The following ATP8A2 variants were observed in gnomAD, a reference collection of about 807,000 sequenced individuals.
ATP8A2 encodes ATPase phospholipid transporting 8A2, also known as phospholipid-transporting ATPase IB.
Under a neutral mutation model 165.6 loss-of-function variants are expected in ATP8A2, and 100 were observed. The ratio of observed to expected loss-of-function variants is 0.60; its 90% CI spans 0.51 to 0.71. The LOEUF (loss-of-function observed/expected upper bound fraction) is 0.71. Among genes scored for constraint, ATP8A2 ranks in the 30% least tolerant of loss-of-function variants. The pLI is 0.00. For synonymous variants in ATP8A2, 543 were observed against 548.8 expected (o/e 0.99, Z 0.15); for missense variants, 1,227 against 1,479.5 (o/e 0.83, Z 2.80).
Position 25,570,819 on chromosome 13 carries a change from C to G in ATP8A2, c.1526C>G (p.Thr509Arg), listed in dbSNP as rs1370438841. ...EFLTLLAVCHTVVPEKDGDNI... is the reference protein window; with the variant it reads ...EFLTLLAVCHRVVPEKDGDNI... ...CTCACCCTTCTGGCCGTGTGCCACA[C>G]GGTTGTTCCTGAGAAGGATGGAGAT... Residue 509 changes from threonine (T) to arginine (R), a missense_variant, in exon 17 of 37, where the codon ACG becomes AGG. Transcript: ENST00000381655. The G allele has an allele frequency of 9.3e-6, 15 of 1,613,768 alleles. No individual in the cohort carries two copies. Among genetic ancestry groups the G allele is most frequent in the Non-Finnish European group, 1.3e-5 (15 of 1,179,712 alleles).
chr13:25,671,697 G>A (rs2042266814), intron 24 of ATP8A2, among the ~76,000 whole-genome samples: 1 of 152,250 alleles, frequency 6.6e-6, no homozygotes, highest in African/African-American at 2.4e-5. Context: ...TCAAAACCCT[G>A]TCTCCTGATA....
intron 2 of ATP8A2, among the ~76,000 whole-genome samples, chr13:25,481,189 G>GGGAAAGGGAGAC (rs1270772696): frequency 2.1e-5 from 3 of 145,892 alleles, no homozygotes; most frequent in Non-Finnish European, 4.5e-5. Flanking sequence ...GAGAGGGAGA[G>GGGAAAGGGAGAC]GGACAGGGAG....
chr13:25,677,607 A>T (rs2042397848), intron 24 of ATP8A2, among the ~76,000 whole-genome samples: 1 of 152,104 alleles, frequency 6.6e-6, no homozygotes. Flanking sequence ...TGTGAACATG[A>T]AGATTAATTT....
At chr13:25,578,636 A>C (rs1253133674) in intron 20 of ATP8A2, among the ~76,000 whole-genome samples, 179 bp from the exon 21 acceptor site, 2 of 152,176 alleles carry the variant, frequency 1.3e-5, no homozygotes, top group Non-Finnish European at 2.9e-5. Context: ...TGTTGGACAC[A>C]TTCATACCCA....
At chr13:25,583,401 T>G (rs1386560116) in intron 23 of ATP8A2, among the ~76,000 whole-genome samples, 1 of 152,110 alleles carries the variant, frequency 6.6e-6, no homozygotes, top group Non-Finnish European at 1.5e-5. Context: ...ACCCCTCAAG[T>G]TAAAATTGAG....
At chr13:25,512,952 G>A (rs1198139240) in intron 2 of ATP8A2, among the ~76,000 whole-genome samples, 1 of 144,598 alleles carries the variant, frequency 6.9e-6, no homozygotes, top group African/African-American at 2.6e-5. Context: ...GGCTGGCCGG[G>A]TGGGGGGCTG....
intron 27 of ATP8A2, among the ~76,000 whole-genome samples, chr13:25,799,495 T>C (rs1011556229): frequency 6.6e-6 from 1 of 152,230 alleles, no homozygotes; most frequent in Non-Finnish European, 1.5e-5. Context: ...TCTAAACACA[T>C]GCAGCCGCTT....
chr13:25,580,056 T>C (rs2039731893), intron 22 of ATP8A2, 109 bp downstream of exon 22: 1 of 1,242,538 alleles, frequency 8.0e-7, no homozygotes. Flanking sequence ...TCTCTTTTCT[T>C]GTGTCTTAAT....
At chr13:25,530,704 A>G (rs1263525967) in intron 4 of ATP8A2, 44 bp downstream of exon 4, 9 of 1,175,644 alleles carry the variant, frequency 7.7e-6, no homozygotes, top group African/African-American at 1.5e-5. Flanking sequence ...TATGCAGTAG[A>G]TAATAACTTA....
At chr13:25,604,379 G>A (rs2040464388) in intron 24 of ATP8A2, among the ~76,000 whole-genome samples, 1 of 152,176 alleles carries the variant, frequency 6.6e-6, no homozygotes, top group African/African-American at 2.4e-5. Flanking sequence ...ATTGGAGTGA[G>A]TGCAAGGAAT....
intron 1 of ATP8A2, among the ~76,000 whole-genome samples, chr13:25,396,670 T>C (rs1167759697): frequency 6.6e-6 from 1 of 152,170 alleles, no homozygotes; most frequent in East Asian, 1.9e-4. Context: ...ATCTTTGCTC[T>C]CACGAACTCT....
chr13:25,805,333 A>C (rs1427142495), intron 27 of ATP8A2, among the ~76,000 whole-genome samples: 1 of 151,978 alleles, frequency 6.6e-6, no homozygotes, highest in East Asian at 1.9e-4. Context: ...ACATGGCAAA[A>C]ATCTATCTCT....
At chr13:25,645,914 A>ATCTG (rs2041658844) in intron 24 of ATP8A2, among the ~76,000 whole-genome samples, 1 of 152,162 alleles carries the variant, frequency 6.6e-6, no homozygotes, top group Non-Finnish European at 1.5e-5. Flanking sequence ...AATGTTCCAT[A>ATCTG]TCTGTCTGTT....
intron 2 of ATP8A2, among the ~76,000 whole-genome samples, chr13:25,519,514 C>T (rs1161803708): frequency 2.0e-5 from 3 of 152,076 alleles, no homozygotes; most frequent in Admixed American, 2.0e-4. Flanking sequence ...ATATCTATTG[C>T]ACATGATGGA....
chr13:25,857,138 C>G (rs1952189126), intron 30 of ATP8A2, among the ~76,000 whole-genome samples: 2 of 152,164 alleles, frequency 1.3e-5, no homozygotes, highest in African/African-American at 4.8e-5. Flanking sequence ...TTCCTTCTCC[C>G]AGTGCCTGCA....
intron 33 of ATP8A2, among the ~76,000 whole-genome samples, chr13:25,930,042 C>T (rs1954725671): frequency 6.6e-6 from 1 of 152,120 alleles, no homozygotes; most frequent in Non-Finnish European, 1.5e-5. Context: ...GCCTTTGCTC[C>T]TTGCACAACG....
intron 24 of ATP8A2, among the ~76,000 whole-genome samples, chr13:25,672,380 T>C (rs748233698): frequency 6.6e-6 from 1 of 152,192 alleles, no homozygotes; most frequent in Non-Finnish European, 1.5e-5. Context: ...TCCAAAGTGC[T>C]GGCTGCCTCT....
rs1320972124 is a variant in ATP8A2 at position 25,528,743 on chromosome 13, T to TTGTGTATGCATACATATGCAACA, written c.222-1245_222-1223dup. Among the ~76,000 whole-genome samples, 1,113 of 139,356 alleles carry TTGTGTATGCATACATATGCAACA rather than the reference T, an allele frequency of 8.0e-3. 78 individuals are homozygous for TTGTGTATGCATACATATGCAACA. Among genetic ancestry groups the TTGTGTATGCATACATATGCAACA allele is most frequent in the African/African-American group, 0.029 (1,022 of 35,576 alleles). 91.4% of individuals were successfully genotyped at this position (139,356 alleles called of 152,430 possible). A position where few individuals can be genotyped will look rare whatever the true frequency, so the allele number is the denominator to read the frequency against. On this transcript the variant is annotated intron_variant, in intron 2 of 36. Coordinates refer to ENST00000381655, the MANE Select transcript of ATP8A2 (RefSeq NM_016529.6). The stretch of plus-strand genomic sequence containing the variant: ...TGTTACATATGCATACATATGCAAC[T>TTGTGTATGCATACATATGCAACA]TGTGTATGCATACATATGCAACATG...
rs530076506 is a variant in ATP8A2, at chr13:25,708,512, T to G, written c.2384+9167T>G. Among the ~76,000 whole-genome samples the G allele has an allele frequency of 2.6e-5, 4 of 152,314 alleles. No homozygotes were observed. The South Asian group carries it at 8.3e-4, about 32-fold the overall frequency. On this transcript the variant is annotated intron_variant, in intron 25 of 36. Transcript: ENST00000381655. ...TTTCCTGTCTATACATCTGACACTTTCCCTCATCTGTCACCTCCTGAATTA... is the reference window on the plus strand; with the variant it reads ...TTTCCTGTCTATACATCTGACACTTGCCCTCATCTGTCACCTCCTGAATTA...
Sources: allele counts gnomAD v4.1 joint callset (sites outside exome capture counted in the v4.1 genomes callset), GRCh38; gene constraint gnomAD v4.1.1; transcripts MANE v1.5; gene names NCBI Gene and HGNC (gene_info 2026-07-23, HGNC 2026-07-21).